The following SLC7A9 variants were observed in gnomAD, a reference collection of about 807,000 sequenced individuals.
SLC7A9 encodes the protein solute carrier family 7 member 9.
A neutral mutation model predicts 54.1 loss-of-function variants in SLC7A9; 38 were observed. That is an observed-to-expected ratio of 0.70 (90% CI 0.54 to 0.92). The LOEUF is 0.92. Among genes scored for constraint, SLC7A9 ranks in the 40% least tolerant of loss-of-function variants. The pLI is 0.00. For synonymous variants in SLC7A9, 264 were observed against 258.9 expected, an observed-to-expected ratio of 1.02 and a Z score of -0.19; for missense variants, 537 against 636.1, an observed-to-expected ratio of 0.84 and a Z score of 1.68.
intron 10 of SLC7A9, 44 bp from the exon 11 acceptor site, chr19:32,842,361 A>C: frequency 6.3e-7 from 1 of 1,576,128 alleles, no homozygotes; most frequent in Non-Finnish European, 8.7e-7. Context: ...ACTACAAAAC[A>C]CTGTTCTCAT....
chr19:32,842,193 C>T lies in SLC7A9; in HGVS notation c.1199G>A (p.Arg400Lys), dbSNP rs202069562. Residue 400 changes from arginine to lysine, a missense_variant, in exon 11 of 13, where the codon AGG (arginine) becomes AAG (lysine). Transcript: ENST00000023064. ...ILGLIVMRFT[R>K]KELERPIKVP... Reference sequence around the variant, plus strand: ...CTTGATAGGCCTTTCCAGCTCTTTCCTTGTAAATCTCATCACGATGAGTCC... The same window carrying T: ...CTTGATAGGCCTTTCCAGCTCTTTCTTTGTAAATCTCATCACGATGAGTCC... 1.6e-4 allele frequency: 255 copies of T among 1,614,112 alleles called. No individual in the cohort carries two copies. Among genetic ancestry groups the T allele is most frequent in the Admixed American group, 3.0e-4 (18 of 60,002 alleles).
intron 7 of SLC7A9, chr19:32,860,226 C>A: frequency 7.0e-7 from 1 of 1,430,056 alleles, no homozygotes; most frequent in Non-Finnish European, 9.1e-7. Context: ...TGTCCCAAAC[C>A]AAACCAAACT....
At position 32,862,490 on chromosome 19, in the gene SLC7A9, A is replaced by G. The variant is rs753348438; in HGVS notation, c.575T>C (p.Ile192Thr). 2.5e-6 allele frequency: 4 copies of G among 1,613,228 alleles called. No individual in the cohort carries two copies. The highest frequency in any genetic ancestry group is 3.4e-6 in the Non-Finnish European group (4 of 1,180,002). The change falls in exon 5 of 13, where the codon ATC becomes ACC. Residue 192 changes from isoleucine (I) to threonine (T), a missense_variant. By Grantham distance (89) the Ile-to-Thr change is moderately conservative. Coordinates refer to ENST00000023064, the MANE Select transcript of SLC7A9 (RefSeq NM_014270.5). ...AAKLVIVAIIIISGLVLLAQG... is the reference protein window; with the variant it reads ...AAKLVIVAIITISGLVLLAQG... ...GGCCAGGAGCACCAGCCCGCTGATGATGATGATGGCCACGATCACCAGCTT... is the reference window on the plus strand; with the variant it reads ...GGCCAGGAGCACCAGCCCGCTGATGGTGATGATGGCCACGATCACCAGCTT...
chr19:32,861,896 G>C (rs1968810110), intron 6 of SLC7A9, among the ~76,000 whole-genome samples: 2 of 152,146 alleles, frequency 1.3e-5, no homozygotes, highest in Admixed American at 1.3e-4. Context: ...TGTTGGCCCA[G>C]TGAGGGTTCT....
At chr19:32,865,586 A>G (rs545145979) in intron 2 of SLC7A9, among the ~76,000 whole-genome samples, 1 of 152,344 alleles carries the variant, frequency 6.6e-6, no homozygotes, top group African/African-American at 2.4e-5. Flanking sequence ...AGCCACAGGA[A>G]TTCAGGGCTG....
At chr19:32,838,644 C>T (rs555529759) in intron 11 of SLC7A9, among the ~76,000 whole-genome samples, 28 of 147,636 alleles carry the variant, frequency 1.9e-4, no homozygotes, top group Non-Finnish European at 3.3e-4. Flanking sequence ...ATATTTATAT[C>T]TTATATCCTT....
intron 7 of SLC7A9, chr19:32,860,290 C>T (rs565125720): frequency 1.4e-6 from 2 of 1,395,422 alleles, no homozygotes; most frequent in African/African-American, 1.4e-5. Context: ...GGTGCAGTGG[C>T]TCACACCTGT....
intron 2 of SLC7A9, 71 bp from the exon 3 acceptor site, chr19:32,864,847 T>G (rs1968920117): frequency 1.9e-6 from 3 of 1,602,190 alleles, no homozygotes; most frequent in Non-Finnish European, 2.6e-6. Context: ...GGTGCCACCC[T>G]CCCTCGGTAC....
At chr19:32,853,981 T>G (rs144496559) in intron 9 of SLC7A9, among the ~76,000 whole-genome samples, 137 of 148,176 alleles carry the variant, frequency 9.2e-4, no homozygotes, top group African/African-American at 3.2e-3. Flanking sequence ...AAGACCTAAA[T>G]AGTCCACCCA....
chr19:32,837,409 C>T (rs771342596), intron 11 of SLC7A9, among the ~76,000 whole-genome samples: 1 of 147,156 alleles, frequency 6.8e-6, no homozygotes, highest in Non-Finnish European at 1.5e-5. Context: ...GTGGGAGGAT[C>T]GCTTGAGCCT....
chr19:32,851,899 T>C (rs1968477698), intron 9 of SLC7A9, among the ~76,000 whole-genome samples: 1 of 152,100 alleles, frequency 6.6e-6, no homozygotes, highest in African/African-American at 2.4e-5. Context: ...GAAACCATCA[T>C]TCTCAGCAAA....
chr19:32,844,939 C>A (rs900591369), intron 9 of SLC7A9, among the ~76,000 whole-genome samples: 1 of 140,098 alleles, frequency 7.1e-6, no homozygotes, highest in Non-Finnish European at 1.5e-5. Flanking sequence ...CCGAGGCAGG[C>A]GGATCATGAG....
At chr19:32,867,702 T>C (rs1969012164) in intron 2 of SLC7A9, among the ~76,000 whole-genome samples, 1 of 151,968 alleles carries the variant, frequency 6.6e-6, no homozygotes, top group African/African-American at 2.4e-5. Flanking sequence ...CCCAACACTT[T>C]GGGAGGCCGA....
intron 9 of SLC7A9, among the ~76,000 whole-genome samples, chr19:32,850,020 T>C (rs1164578160): frequency 0.026 from 3,876 of 151,434 alleles, 62 homozygotes; most frequent in Non-Finnish European, 0.037. Flanking sequence ...TAGGTATTGA[T>C]GGGACGTATC....
chr19:32,852,032 G>A (rs1300488445), intron 9 of SLC7A9, among the ~76,000 whole-genome samples: 1 of 151,880 alleles, frequency 6.6e-6, no homozygotes, highest in East Asian at 1.9e-4. Context: ...GGGGTGGGGG[G>A]AGCGGGGAGG....
chr19:32,861,824 A>C (rs923398314), intron 6 of SLC7A9, among the ~76,000 whole-genome samples: 26 of 152,168 alleles, frequency 1.7e-4, no homozygotes, highest in African/African-American at 6.0e-4. Flanking sequence ...TAAAAAAACA[A>C]AACAAAACAA....
intron 2 of SLC7A9, among the ~76,000 whole-genome samples, chr19:32,866,863 C>T (rs1416958135): frequency 6.6e-6 from 1 of 152,206 alleles, no homozygotes; most frequent in Non-Finnish European, 1.5e-5. Context: ...CACACCTCTG[C>T]CCTGGAAGCG....
At position 32,861,934 on chromosome 19, in the gene SLC7A9, G is replaced by T. The variant is rs548069165; in HGVS notation, c.704+184C>A. On this transcript the variant is annotated intron_variant, in intron 6 of 12. Transcript: ENST00000023064. ...ACAGAGCACTCTGGCTGACTGAGCA[G>T]GTGTCTCAGGGAATAAAGGGGAGAG... is the stretch of plus-strand genomic sequence containing the variant. Among the ~76,000 whole-genome samples the T allele has an allele frequency of 4.5e-4, 69 of 152,260 alleles. 4 individuals carry two copies. The South Asian group carries it at 0.013, about 30-fold the overall frequency.
intron 11 of SLC7A9, among the ~76,000 whole-genome samples, chr19:32,836,775 T>A (rs1201965707): frequency 6.6e-6 from 1 of 152,176 alleles, no homozygotes; most frequent in Non-Finnish European, 1.5e-5. Flanking sequence ...TAAAGATGGT[T>A]GCTATATGGT....
Sources: gnomAD v4.1 joint callset for allele counts (sites outside exome capture counted in the v4.1 genomes callset) on GRCh38, gnomAD v4.1.1 for gene constraint, MANE v1.5 for transcripts, NCBI Gene and HGNC (gene_info 2026-07-23, HGNC 2026-07-21) for gene names.